Variants in STKLD1 observed in about 807,000 individuals in gnomAD.
The protein encoded by STKLD1 is serine/threonine kinase like domain containing 1.
Under a neutral mutation model 80.4 loss-of-function variants are expected in STKLD1, and 79 were observed. That is an observed-to-expected ratio of 0.98 (90% confidence interval 0.82 to 1.19). The LOEUF is 1.19. STKLD1 is among the 50% of genes most tolerant of loss of function. STKLD1 has a pLI of 0.00. For missense variants in STKLD1, 841 were observed against 856.0 expected (o/e 0.98, Z 0.22); for synonymous variants, 393 against 357.6 (o/e 1.10, Z -1.12).
chr9:133,398,506 C>T (rs1028266190), intron 11 of STKLD1, among the ~76,000 whole-genome samples: 1 of 152,204 alleles, frequency 6.6e-6, no homozygotes, highest in Non-Finnish European at 1.5e-5. Context: ...TGGCCTGGCG[C>T]AGTAGCTCAC....
At chr9:133,382,994 T>C (rs1838177016) in intron 2 of STKLD1, among the ~76,000 whole-genome samples, 1 of 147,524 alleles carries the variant, frequency 6.8e-6, no homozygotes, top group African/African-American at 2.5e-5. Context: ...ATGGTGGTCG[T>C]GGTGTGATGG....
At chr9:133,398,201 G>C in intron 11 of STKLD1, 146 bp downstream of exon 11, 1 of 658,372 alleles carries the variant, frequency 1.5e-6, no homozygotes, top group South Asian at 2.0e-5. Flanking sequence ...TGTGTCCCCA[G>C]AAGAGTCCCG....
Position 133,385,594 on chromosome 9 carries a change from T to C in STKLD1, c.220-23T>C, listed in dbSNP as rs1221922074. The C allele has an allele frequency of 6.2e-7, 1 of 1,611,484 alleles. No individual in the cohort carries two copies. Among genetic ancestry groups the C allele is most frequent in the African/African-American group, 1.3e-5 (1 of 74,900 alleles). ...GCGTGGAGAGGCACTGACTTCTCCG[T>C]TTCCTCTGCTCTATCCTGGCAGCTG... On this transcript the variant is annotated intron_variant, in intron 3 of 17. Coordinates refer to ENST00000371957, the MANE Select transcript of STKLD1 (RefSeq NM_153710.5). The surrounding 1 kb of genome is among the most constrained non-coding windows in gnomAD (Gnocchi z 4.9).
At chr9:133,378,479 G>A (rs1164340158) in intron 1 of STKLD1, among the ~76,000 whole-genome samples, 1 of 152,240 alleles carries the variant, frequency 6.6e-6, no homozygotes, top group Non-Finnish European at 1.5e-5. Flanking sequence ...ACCCCAGGCA[G>A]TGTCCTGCTT....
rs782769047 is a variant in STKLD1, at chr9:133,395,659, C to G, written c.762C>G (p.Ala254=). The change falls in exon 9 of 18, where the codon GCC becomes GCG. Residue 254 remains alanine (A), a synonymous_variant. Transcript: ENST00000371957. ...SLRQSPGSLK[A]VLKTMEEKQI... is the part of the protein sequence containing the mutation. ...GCCAGAGCCCAGGCAGCCTGAAGGC[C>G]GTCCTGAAGACAATGGAGGAGAAGC... 6.2e-7 allele frequency: 1 copy of G among 1,613,390 alleles called. No homozygotes were observed. The highest frequency in any genetic ancestry group is 1.6e-4 in the Middle Eastern group (1 of 6,062).
chr9:133,379,465 C>T (rs1385728608), intron 2 of STKLD1, among the ~76,000 whole-genome samples: 2 of 152,236 alleles, frequency 1.3e-5, no homozygotes, highest in Non-Finnish European at 2.9e-5. Flanking sequence ...CTCAATGCAG[C>T]GCCAGACTAG....
chr9:133,384,574 T>C lies in STKLD1; in HGVS notation c.219+674T>C, dbSNP rs1014524081. 1 of 151,840 alleles carries C rather than the reference T, an allele frequency of 6.6e-6. No individual in the cohort carries two copies. The highest frequency in any genetic ancestry group is 1.5e-5 in the Non-Finnish European group (1 of 68,000). The allele number at this position is 151,840 out of a possible 1,614,324, so 9.4% of individuals were successfully genotyped here. On this transcript the variant is annotated intron_variant, in intron 3 of 17. Transcript: ENST00000371957. This position sits in a 1 kb window ranked among gnomAD's most constrained non-coding sequence, Gnocchi z 4.3. Reference sequence around the variant, plus strand: ...TACAGAATTGGGTTTTCTTTTGTTTTTACCTTTTTTTTTTTTTCTTTAATA... The same window carrying C: ...TACAGAATTGGGTTTTCTTTTGTTTCTACCTTTTTTTTTTTTTCTTTAATA...
Position 133,384,556 on chromosome 9 carries a change from T to G in STKLD1, c.219+656T>G, listed in dbSNP as rs2130272758. On this transcript the variant is annotated intron_variant, in intron 3 of 17. Transcript: ENST00000371957. The surrounding 1 kb of genome is among the most constrained non-coding windows in gnomAD (Gnocchi z 4.3). ...AGCAGAAAATTTTAAAAATACAGAA[T>G]TGGGTTTTCTTTTGTTTTTACCTTT... is the stretch of plus-strand genomic sequence containing the variant. The G allele has an allele frequency of 6.6e-6, 1 of 152,052 alleles. No homozygotes were observed. 9.4% of individuals were successfully genotyped at this position (152,052 alleles called of 1,614,324 possible). A position where few individuals can be genotyped will look rare whatever the true frequency, so the allele number is the denominator to read the frequency against.
chr9:133,384,961 T>C lies in STKLD1; in HGVS notation c.220-656T>C, dbSNP rs189017207. ...CTGGAGCTTGGCCAGCAAACATTAT[T>C]GGGTGTATAGTGTGACCGAAGCACA... On this transcript the variant is annotated intron_variant, in intron 3 of 17. Coordinates refer to ENST00000371957, the MANE Select transcript of STKLD1 (RefSeq NM_153710.5). The surrounding 1 kb of genome is among the most constrained non-coding windows in gnomAD (Gnocchi z 4.3). Among the ~76,000 whole-genome samples, 5 of 152,252 alleles carry C rather than the reference T, an allele frequency of 3.3e-5. No individual in the cohort carries two copies. Among genetic ancestry groups the C allele is most frequent in the African/African-American group, 1.2e-4 (5 of 41,552 alleles).
At chr9:133,376,855 A>C (rs2130251819) in intron 1 of STKLD1, among the ~76,000 whole-genome samples, 1 of 152,180 alleles carries the variant, frequency 6.6e-6, no homozygotes, top group Non-Finnish European at 1.5e-5. Flanking sequence ...GCTTGGGTCC[A>C]CCGAGGCAGG....
Position 133,389,582 on chromosome 9 carries a change from G to A in STKLD1, c.453G>A (p.Leu151=). The change falls in exon 6 of 18, where the codon TTG becomes TTA. Residue 151 remains leucine, a synonymous_variant. Transcript: ENST00000371957. This position sits in a 1 kb window ranked among gnomAD's most constrained non-coding sequence, Gnocchi z 6.4. ...ACGCGCTGGAATACCTGCACCATTT[G>A]GACATCATCCACAGGTAAGTGGGGC... ...VLDALEYLHH[L]DIIHRNLKPS... 2 of 1,613,480 alleles carry A rather than the reference G, an allele frequency of 1.2e-6. No homozygotes were observed. The highest frequency in any genetic ancestry group is 1.7e-6 in the Non-Finnish European group (2 of 1,179,916).
In STKLD1 at chr9:133,389,491, C is replaced by T. The variant is rs2130284112; in HGVS notation, c.397-35C>T. On this transcript the variant is annotated intron_variant, in intron 5 of 17. Coordinates refer to ENST00000371957, the MANE Select transcript of STKLD1 (RefSeq NM_153710.5). The surrounding 1 kb of genome is among the most constrained non-coding windows in gnomAD (Gnocchi z 6.4). ...CCCCCCTGAAAGCAGCACAGGGTGC[C>T]CCTCCCATCCTGGCACCCCCTACTT... The T allele has an allele frequency of 2.4e-5, 38 of 1,609,960 alleles. No individual in the cohort carries two copies. The highest frequency in any genetic ancestry group is 3.1e-5 in the Non-Finnish European group (36 of 1,178,708).
chr9:133,392,027 G>A (rs2130290821), intron 7 of STKLD1, among the ~76,000 whole-genome samples: 1 of 151,700 alleles, frequency 6.6e-6, no homozygotes, highest in African/African-American at 2.4e-5. Flanking sequence ...CAACCACAGA[G>A]GAGGAGTCCA....
In STKLD1 at chr9:133,377,536, G is replaced by T. The variant is rs143913377; in HGVS notation, c.87+976G>T. Among the ~76,000 whole-genome samples the T allele has an allele frequency of 2.2e-3, 334 of 152,320 alleles. 2 individuals carry two copies. The highest frequency in any genetic ancestry group is 7.5e-3 in the African/African-American group (310 of 41,564). On this transcript the variant is annotated intron_variant, in intron 1 of 17. Coordinates refer to ENST00000371957, the MANE Select transcript of STKLD1 (RefSeq NM_153710.5). ...AAATTAGCCAGGTGTGGTGGCGCAT[G>T]CCTGTAATCACAGCTACTCGGGAGG...
At chr9:133,386,394 C>CA (rs2130277450) in intron 4 of STKLD1, among the ~76,000 whole-genome samples, 1 of 152,248 alleles carries the variant, frequency 6.6e-6, no homozygotes, top group Non-Finnish European at 1.5e-5. Flanking sequence ...CCTCTGATGA[C>CA]AGAGTTTTTA....
intron 1 of STKLD1, 57 bp downstream of exon 1, chr9:133,376,617 T>C: frequency 6.9e-7 from 1 of 1,442,720 alleles, no homozygotes; most frequent in East Asian, 2.7e-5. Flanking sequence ...GTCGCAACCC[T>C]GGAGCTACGG....
intron 10 of STKLD1, 129 bp from the exon 11 acceptor site, chr9:133,397,843 C>T (rs1056810634): frequency 4.3e-6 from 3 of 703,728 alleles, no homozygotes; most frequent in Admixed American, 5.7e-5. Flanking sequence ...GCCCCTCCCT[C>T]TCATCCTGAA....
At chr9:133,382,944 GTGGTGTTGATGGTGTGA>G (rs1447101855) in intron 2 of STKLD1, among the ~76,000 whole-genome samples, 8 of 147,674 alleles carry the variant, frequency 5.4e-5, no homozygotes, top group African/African-American at 2.0e-4. Flanking sequence ...GGTGGTGACA[GTGGTGTTGATGGTGTGA>G]TGGTGGTGAT....
intron 2 of STKLD1, among the ~76,000 whole-genome samples, chr9:133,381,124 G>A (rs2130265061): frequency 5.5e-5 from 8 of 145,278 alleles, no homozygotes; most frequent in East Asian, 3.9e-4. Flanking sequence ...TGGGTCATAC[G>A]ATGTAACTTT....
Sources: gnomAD v4.1 joint callset for allele counts (sites outside exome capture counted in the v4.1 genomes callset) on GRCh38, gnomAD v4.1.1 for gene constraint, Gnocchi (gnomAD v3.1) non-coding constraint, MANE v1.5 for transcripts, NCBI Gene and HGNC (gene_info 2026-07-23, HGNC 2026-07-21) for gene names.